Variants in ASTN2 observed in about 807,000 individuals in gnomAD.
ASTN2 encodes astrotactin 2, also known as astrotactin-2.
Under a neutral mutation model 139.8 loss-of-function variants are expected in ASTN2, and 54 were observed. The observed-to-expected ratio is 0.39, with a 90% confidence interval of 0.31 to 0.48. ASTN2 has a LOEUF of 0.48. Among genes scored for constraint, ASTN2 ranks in the 20% least tolerant of loss-of-function variants. The pLI, the probability that ASTN2 is intolerant of heterozygous loss-of-function variation, is 0.95. For missense variants in ASTN2, 1,565 were observed against 1,725.1 expected (o/e 0.91, Z 1.64); for synonymous variants, 756 against 719.5 (o/e 1.05, Z -0.81).
intron 19 of ASTN2, among the ~76,000 whole-genome samples, chr9:116,544,864 A>C (rs1852024553): frequency 6.6e-6 from 1 of 152,222 alleles, no homozygotes; most frequent in South Asian, 2.1e-4. Flanking sequence ...TGAAGCATAA[A>C]AAGGCCTCAT....
intron 16 of ASTN2, among the ~76,000 whole-genome samples, chr9:116,703,725 A>G (rs1231552791): frequency 1.9e-5 from 1 of 51,548 alleles, no homozygotes; most frequent in Non-Finnish European, 7.5e-5. Flanking sequence ...TTAAAGTATA[A>G]TAATAAAAAA....
At chr9:116,725,480 TG>T (rs1828593197) in intron 16 of ASTN2, among the ~76,000 whole-genome samples, 1 of 151,850 alleles carries the variant, frequency 6.6e-6, no homozygotes, top group Middle Eastern at 3.2e-3. Flanking sequence ...AAAGAGAGGA[TG>T]TGGGAAGCAA....
At chr9:117,141,711 C>T (rs373146938) in intron 3 of ASTN2, among the ~76,000 whole-genome samples, 18 of 152,332 alleles carry the variant, frequency 1.2e-4, no homozygotes, top group African/African-American at 2.6e-4. Flanking sequence ...ACATTTACTA[C>T]GTTCCAGGTA....
intron 10 of ASTN2, among the ~76,000 whole-genome samples, chr9:116,868,831 G>A (rs190971847): frequency 0.014 from 2,151 of 152,264 alleles, 73 homozygotes; most frequent in Admixed American, 0.081. Flanking sequence ...CAGGACTCCT[G>A]CCTCTGTCCC....
intron 2 of ASTN2, chr9:117,277,298 T>C (rs1036481211): frequency 6.6e-6 from 1 of 152,204 alleles, no homozygotes; most frequent in Non-Finnish European, 1.5e-5. Context: ...CAGGCATACA[T>C]AGGGTAAGGT....
At chr9:116,426,982 G>C (rs144580120) in intron 22 of ASTN2, among the ~76,000 whole-genome samples, 1 of 152,086 alleles carries the variant, frequency 6.6e-6, no homozygotes, top group Non-Finnish European at 1.5e-5. Flanking sequence ...GAATTATTCC[G>C]TACTATGGAG....
intron 3 of ASTN2, among the ~76,000 whole-genome samples, chr9:117,193,499 G>A (rs1831403045): frequency 6.6e-6 from 1 of 151,854 alleles, no homozygotes; most frequent in African/African-American, 2.4e-5. Flanking sequence ...TTAGCTGGGT[G>A]TGGTGGTGCA....
intron 19 of ASTN2, among the ~76,000 whole-genome samples, chr9:116,495,909 G>A (rs971574808): frequency 2.0e-5 from 3 of 152,046 alleles, no homozygotes; most frequent in South Asian, 4.2e-4. Context: ...CCTCACTCAC[G>A]CATTCCAGCC....
intron 1 of ASTN2, among the ~76,000 whole-genome samples, chr9:117,354,415 T>A (rs1051406736): frequency 6.6e-6 from 1 of 152,114 alleles, no homozygotes; most frequent in African/African-American, 2.4e-5. Flanking sequence ...TGCTAGTCAC[T>A]CTGAATTGAA....
At chr9:116,488,672 CA>C (rs1025140966) in intron 19 of ASTN2, among the ~76,000 whole-genome samples, 1 of 152,038 alleles carries the variant, frequency 6.6e-6, no homozygotes, top group African/African-American at 2.4e-5. Context: ...TACACTATTA[CA>C]AAATAATCTC....
chr9:117,291,224 T>C, intron 2 of ASTN2, 102 bp downstream of exon 2: 1 of 1,440,268 alleles, frequency 6.9e-7, no homozygotes, highest in East Asian at 2.5e-5. Context: ...TTGAGTTTGG[T>C]TCTTTCCTTC....
chr9:116,461,382 T>C (rs1848482042), intron 20 of ASTN2, among the ~76,000 whole-genome samples: 1 of 152,076 alleles, frequency 6.6e-6, no homozygotes, highest in African/African-American at 2.4e-5. Context: ...TTTGAATATA[T>C]GTGTGTGTAA....
At chr9:116,737,142 T>G (rs1828947301) in intron 13 of ASTN2, among the ~76,000 whole-genome samples, 3 of 152,314 alleles carry the variant, frequency 2.0e-5, no homozygotes, top group South Asian at 4.1e-4. Flanking sequence ...GAAGCCCGAA[T>G]GAACAGCCCA....
intron 2 of ASTN2, among the ~76,000 whole-genome samples, chr9:117,225,562 T>C (rs1832685361): frequency 9.6e-6 from 1 of 103,656 alleles, no homozygotes; most frequent in African/African-American, 4.4e-5. Flanking sequence ...TATATATATA[T>C]ATATATATAT....
chr9:116,629,467 T>A (rs1203646277), intron 17 of ASTN2, among the ~76,000 whole-genome samples: 1 of 152,122 alleles, frequency 6.6e-6, no homozygotes, highest in Non-Finnish European at 1.5e-5. Context: ...GAGAAGATAC[T>A]GGATCAAGGC....
chr9:117,314,626 A>G (rs1478433609), intron 1 of ASTN2, among the ~76,000 whole-genome samples: 3 of 146,612 alleles, frequency 2.0e-5, no homozygotes, highest in Non-Finnish European at 4.5e-5. Context: ...ATAATATACA[A>G]TATATAATTA....
At chr9:117,117,917 C>A (rs534867145) in intron 4 of ASTN2, among the ~76,000 whole-genome samples, 1 of 152,082 alleles carries the variant, frequency 6.6e-6, no homozygotes, top group Non-Finnish European at 1.5e-5. Flanking sequence ...AAGGCCCCTG[C>A]GTCTCATGGC....
intron 10 of ASTN2, among the ~76,000 whole-genome samples, chr9:116,940,127 G>T (rs1280889970): frequency 6.6e-6 from 1 of 152,056 alleles, no homozygotes; most frequent in Non-Finnish European, 1.5e-5. Flanking sequence ...TTATTATTTT[G>T]TAGAGACAGA....
intron 19 of ASTN2, among the ~76,000 whole-genome samples, chr9:116,524,153 G>C (rs970230805): frequency 1.3e-5 from 2 of 152,134 alleles, no homozygotes; most frequent in Admixed American, 1.3e-4. Flanking sequence ...GAAAGAAAAA[G>C]AAAAGTCATT....
Sources: allele counts gnomAD v4.1 joint callset (sites outside exome capture counted in the v4.1 genomes callset), GRCh38; gene constraint gnomAD v4.1.1; transcripts MANE v1.5; gene names NCBI Gene and HGNC (gene_info 2026-07-23, HGNC 2026-07-21).